SDR9C7: variants seen among roughly 807,000 people sequenced by gnomAD.
SDR9C7 encodes the protein short-chain dehydrogenase/reductase family 9C member 7.
A neutral mutation model predicts 23.6 loss-of-function variants in SDR9C7; 11 were observed. The observed-to-expected ratio is 0.47, with a 90% CI of 0.29 to 0.77. The LOEUF (loss-of-function observed/expected upper bound fraction) is 0.77, where lower values mean the gene tolerates loss of function less well. SDR9C7 is among the 30% of genes least tolerant of loss of function. The pLI is 0.09. For synonymous variants in SDR9C7, 167 were observed against 157.3 expected (o/e 1.06, Z -0.46); for missense variants, 387 against 407.1 (o/e 0.95, Z 0.42).
At chr12:56,933,308 C>G (rs1415707815) in intron 1 of SDR9C7, among the ~76,000 whole-genome samples, 1 of 152,198 alleles carries the variant, frequency 6.6e-6, no homozygotes, top group African/African-American at 2.4e-5. Flanking sequence ...TGTATTTCCC[C>G]AGGAGCTGAT....
rs1955714324 is a variant in SDR9C7 at position 56,923,826 on chromosome 12, C to T, written c.*7G>A. On this transcript the variant is annotated 3_prime_UTR_variant, in exon 4 of 4. Transcript: ENST00000293502. ...TAGGCTCCACTGACCCATTGATCCT[C>T]CCCAGTTTAGACACTGTCCGCTGGC... 1.3e-6 allele frequency: 2 copies of T among 1,586,046 alleles called. No individual in the cohort carries two copies. Among genetic ancestry groups the T allele is most frequent in the South Asian group, 1.2e-5 (1 of 86,804 alleles).
At position 56,934,111 on chromosome 12, in the gene SDR9C7, G is replaced by C; in HGVS notation, c.151C>G (p.Gln51Glu). The change falls in exon 1 of 4, where the codon CAG becomes GAG. Residue 51 changes from glutamine (Q) to glutamate (E), a missense_variant. Coordinates refer to ENST00000293502, the MANE Select transcript of SDR9C7 (RefSeq NM_148897.3). ...TCAGTGAAGCAAGCAGCCAGCACCT[G>C]CATGCCCCGATCAACCAGCTGTTTG... Reference protein sequence around the residue: ...LAKQLVDRGMQVLAACFTEEG... With the variant: ...LAKQLVDRGMEVLAACFTEEG... 6.2e-7 allele frequency: 1 copy of C among 1,614,196 alleles called. No individual in the cohort carries two copies. Among genetic ancestry groups the C allele is most frequent in the Non-Finnish European group, 8.5e-7 (1 of 1,180,042 alleles).
chr12:56,933,775 C>T lies in SDR9C7; in HGVS notation c.301+186G>A, dbSNP rs574411102. Reference sequence around the variant, plus strand: ...AGGACAGAAAACTTCCTTGGGAAATCACCCCTTCATGTGAACAGGCCAAAC... The same window carrying T: ...AGGACAGAAAACTTCCTTGGGAAATTACCCCTTCATGTGAACAGGCCAAAC... On this transcript the variant is annotated intron_variant, in intron 1 of 3. Transcript: ENST00000293502. Among the ~76,000 whole-genome samples, 4 of 152,336 alleles carry T rather than the reference C, an allele frequency of 2.6e-5. No homozygotes were observed. The South Asian group carries it at 8.3e-4, about 32-fold the overall frequency.
chr12:56,926,841 T>C (rs1474545362), intron 3 of SDR9C7, among the ~76,000 whole-genome samples: 1 of 152,236 alleles, frequency 6.6e-6, no homozygotes, highest in African/African-American at 2.4e-5. Flanking sequence ...CTATTCATCC[T>C]TCAAAACTCA....
intron 1 of SDR9C7, among the ~76,000 whole-genome samples, chr12:56,933,400 C>T (rs968095783): frequency 2.6e-5 from 4 of 152,040 alleles, no homozygotes; most frequent in Non-Finnish European, 5.9e-5. Context: ...TGCTCTGTCA[C>T]GAGGCTGGAG....
intron 1 of SDR9C7, among the ~76,000 whole-genome samples, chr12:56,931,157 C>T (rs1469872997): frequency 6.6e-6 from 1 of 152,030 alleles, no homozygotes; most frequent in South Asian, 2.1e-4. Context: ...ATCACTTGAG[C>T]CCGGGTTACA....
chr12:56,934,361 C>A lies in SDR9C7; in HGVS notation c.-100G>T. 1 of 1,011,210 alleles carries A rather than the reference C, an allele frequency of 9.9e-7. No homozygotes were observed. The highest frequency in any genetic ancestry group is 1.6e-5 in the African/African-American group (1 of 62,222). The allele number at this position is 1,011,210 out of a possible 1,614,324, so 62.6% of individuals were successfully genotyped here. On this transcript the variant is annotated 5_prime_UTR_variant, in exon 1 of 4. Coordinates refer to ENST00000293502, the MANE Select transcript of SDR9C7 (RefSeq NM_148897.3). Reference sequence around the variant, plus strand: ...CTAGCAGGCAGTCTGCAGGAAACCACCTGGAAGAAGAACTCTCCTTCCTCC... The same window carrying A: ...CTAGCAGGCAGTCTGCAGGAAACCAACTGGAAGAAGAACTCTCCTTCCTCC...
At chr12:56,929,592 T>C in intron 2 of SDR9C7, 39 bp from the exon 3 acceptor site, 1 of 1,586,012 alleles carries the variant, frequency 6.3e-7, no homozygotes, top group Middle Eastern at 1.7e-4. Flanking sequence ...GGCCCCAAGA[T>C]GACAATCATC....
At chr12:56,930,538 A>G (rs1204800665) in intron 1 of SDR9C7, 54 bp from the exon 2 acceptor site, 1 of 1,591,398 alleles carries the variant, frequency 6.3e-7, no homozygotes, top group African/African-American at 1.3e-5. Context: ...GAAAGAACCA[A>G]GTTCTGCTCC....
At chr12:56,929,266 T>C (rs1437840346) in intron 3 of SDR9C7, 124 bp downstream of exon 3, 2 of 914,206 alleles carry the variant, frequency 2.2e-6, no homozygotes, top group East Asian at 2.5e-5. Context: ...GCTGTGCCAC[T>C]ATGTGACCTT....
intron 3 of SDR9C7, among the ~76,000 whole-genome samples, chr12:56,926,097 G>A (rs910942055): frequency 6.6e-6 from 1 of 152,208 alleles, no homozygotes; most frequent in African/African-American, 2.4e-5. Context: ...CTTTGGAGCT[G>A]GGCACCTGGG....
rs183347634 is a variant in SDR9C7 at position 56,933,900 on chromosome 12, C to T, written c.301+61G>A. The T allele has an allele frequency of 1.4e-4, 212 of 1,542,326 alleles. 1 individual carries two copies. In the East Asian group the frequency reaches 1.4e-3, roughly 10 times the overall value. ...GGGTCTCTGATACTGTCAGATGCTTCGGGAGAGAGGAAGAGGAAGAAGGAG... is the reference window on the plus strand; with the variant it reads ...GGGTCTCTGATACTGTCAGATGCTTTGGGAGAGAGGAAGAGGAAGAAGGAG... On this transcript the variant is annotated intron_variant, in intron 1 of 3. Coordinates refer to ENST00000293502, the MANE Select transcript of SDR9C7 (RefSeq NM_148897.3).
rs1955714843 is a variant in SDR9C7, at chr12:56,923,862, A to G, written c.913T>C (p.Tyr305His). ...ACACTGTCCGCTGGCCTTGGAAGGTACCGGCTTAGGATGAAATCTGTCACA... is the reference window on the plus strand; with the variant it reads ...ACACTGTCCGCTGGCCTTGGAAGGTGCCGGCTTAGGATGAAATCTGTCACA... Reference protein sequence around the residue: ...TPVTDFILSRYLPRPADSV With the variant: ...TPVTDFILSRHLPRPADSV The change falls in exon 4 of 4, where the codon TAC becomes CAC. Residue 305 changes from tyrosine to histidine, a missense_variant. Transcript: ENST00000293502. The G allele has an allele frequency of 1.9e-6, 3 of 1,613,024 alleles. No individual in the cohort carries two copies. The highest frequency in any genetic ancestry group is 1.1e-5 in the South Asian group (1 of 90,930).
At chr12:56,932,473 G>A (rs1159396386) in intron 1 of SDR9C7, among the ~76,000 whole-genome samples, 1 of 152,144 alleles carries the variant, frequency 6.6e-6, no homozygotes, top group East Asian at 1.9e-4. Context: ...AGATCAGTGA[G>A]GCCTATTTTA....
intron 3 of SDR9C7, 23 bp downstream of exon 3, chr12:56,929,367 C>T: frequency 1.9e-6 from 3 of 1,591,412 alleles, no homozygotes; most frequent in Non-Finnish European, 2.6e-6. Context: ...CTCAGAGACC[C>T]CTCTCCTGCC....
chr12:56,923,704 G>T lies in SDR9C7; in HGVS notation c.*129C>A. 1.4e-6 allele frequency: 1 copy of T among 716,500 alleles called. No individual in the cohort carries two copies. The highest frequency in any genetic ancestry group is 2.0e-5 in the South Asian group (1 of 49,990). The allele number at this position is 716,500 out of a possible 1,614,324, so 44.4% of individuals were successfully genotyped here. A position where few individuals can be genotyped will look rare whatever the true frequency, so the allele number is the denominator to read the frequency against. ...GTTACTGGTAAATTCGACAGCAGTG[G>T]GTGTCAGCTGAGCCAAGCTTCCTTT... On this transcript the variant is annotated 3_prime_UTR_variant, in exon 4 of 4. Transcript: ENST00000293502.
chr12:56,932,435 G>C (rs906066337), intron 1 of SDR9C7, among the ~76,000 whole-genome samples: 1 of 152,188 alleles, frequency 6.6e-6, no homozygotes, highest in Admixed American at 6.5e-5. Flanking sequence ...GCCTCTAGAA[G>C]GAACACAGCT....
In SDR9C7 at chr12:56,930,335, C is replaced by T; in HGVS notation, c.451G>A (p.Ala151Thr). The T allele has an allele frequency of 1.2e-6, 2 of 1,614,218 alleles. No homozygotes were observed. The highest frequency in any genetic ancestry group is 1.7e-6 in the Non-Finnish European group (2 of 1,180,044). Residue 151 changes from alanine to threonine, a missense_variant, in exon 2 of 4, where the codon GCC becomes ACC. By Grantham distance (58) the Ala-to-Thr change is moderately conservative. Coordinates refer to ENST00000293502, the MANE Select transcript of SDR9C7 (RefSeq NM_148897.3). ...GACATGTTGACAACCCTGCCCCGGGCTCTCTTGACCATGGGCAGCATGTGA... is the reference window on the plus strand; with the variant it reads ...GACATGTTGACAACCCTGCCCCGGGTTCTCTTGACCATGGGCAGCATGTGA... ...TLHMLPMVKR[A>T]RGRVVNMSSS...
chr12:56,931,206 C>T (rs539389692), intron 1 of SDR9C7, among the ~76,000 whole-genome samples: 6 of 152,108 alleles, frequency 3.9e-5, no homozygotes, highest in African/African-American at 1.2e-4. Context: ...TATAATGGTG[C>T]CATTGCACTC....
Sources: allele counts gnomAD v4.1 joint callset (sites outside exome capture counted in the v4.1 genomes callset), GRCh38; gene constraint gnomAD v4.1.1; transcripts MANE v1.5; gene names NCBI Gene and HGNC (gene_info 2026-07-23, HGNC 2026-07-21).